The following HS3ST4 variants were observed in gnomAD, a reference collection of about 807,000 sequenced individuals.
HS3ST4 encodes heparan sulfate-glucosamine 3-sulfotransferase 4.
A neutral mutation model predicts 29.2 loss-of-function variants in HS3ST4; 17 were observed. That is an observed-to-expected ratio of 0.58 (90% confidence interval 0.40 to 0.87). HS3ST4 has a LOEUF of 0.87. Ranked by LOEUF, HS3ST4 falls within the 40% of genes least tolerant of loss-of-function variation. The pLI, the probability that HS3ST4 is intolerant of heterozygous loss-of-function variation, is 0.00. For synonymous variants in HS3ST4, 314 were observed against 285.7 expected (o/e 1.10, Z -1.00); for missense variants, 627 against 634.5 (o/e 0.99, Z 0.13).
chr16:25,700,301 A>G (rs1250541149), intron 1 of HS3ST4, among the ~76,000 whole-genome samples: 1 of 152,146 alleles, frequency 6.6e-6, no homozygotes, highest in Non-Finnish European at 1.5e-5. Flanking sequence ...CATTCTCTTG[A>G]GCCTCCAGTA....
chr16:26,090,389 C>G (rs1898842392), intron 1 of HS3ST4, among the ~76,000 whole-genome samples: 1 of 152,030 alleles, frequency 6.6e-6, no homozygotes, highest in Admixed American at 6.6e-5. Flanking sequence ...GCCCAGATTA[C>G]CCAAGGTACA....
In HS3ST4 at chr16:26,136,211, A is replaced by G; in HGVS notation, c.1334A>G (p.Gln445Arg). 6.2e-7 allele frequency: 1 copy of G among 1,613,346 alleles called. No individual in the cohort carries two copies. Among genetic ancestry groups the G allele is most frequent in the African/African-American group, 1.3e-5 (1 of 75,066 alleles). ...TTGATGTTTTACCAAATGACTGGTCAAGATTTTCAGTGGGAACAGGAAGAG... is the reference window on the plus strand; with the variant it reads ...TTGATGTTTTACCAAATGACTGGTCGAGATTTTCAGTGGGAACAGGAAGAG... ...FNLMFYQMTG[Q>R]DFQWEQEEGD... is the part of the protein sequence containing the mutation. Residue 445 changes from glutamine (Q) to arginine (R), a missense_variant, in exon 2 of 2, where the codon CAA (glutamine) becomes CGA (arginine). This residue lies in a region of HS3ST4 where 225 missense variants were observed against 293.7 expected (regional missense o/e 0.77). Coordinates refer to ENST00000331351, the MANE Select transcript of HS3ST4 (RefSeq NM_006040.3).
intron 1 of HS3ST4, among the ~76,000 whole-genome samples, chr16:26,080,228 T>G (rs1898709794): frequency 6.6e-6 from 1 of 152,004 alleles, no homozygotes; most frequent in Non-Finnish European, 1.5e-5. Flanking sequence ...AACCAACACT[T>G]TTAGGAGACA....
At chr16:26,084,681 T>C (rs938526982) in intron 1 of HS3ST4, among the ~76,000 whole-genome samples, 5 of 152,116 alleles carry the variant, frequency 3.3e-5, no homozygotes, top group Non-Finnish European at 7.3e-5. Context: ...TGATCATAGC[T>C]CACTGCAGCC....
At chr16:25,954,796 A>G (rs1362512585) in intron 1 of HS3ST4, among the ~76,000 whole-genome samples, 1 of 152,202 alleles carries the variant, frequency 6.6e-6, no homozygotes, top group African/African-American at 2.4e-5. Context: ...GTATAATGGA[A>G]GTATTCCAAA....
intron 1 of HS3ST4, among the ~76,000 whole-genome samples, chr16:26,134,147 A>T (rs968951227): frequency 6.6e-6 from 1 of 152,066 alleles, no homozygotes; most frequent in South Asian, 2.1e-4. Flanking sequence ...GCAAACTCGG[A>T]TGGAGGAATG....
At chr16:25,959,520 T>G (rs990485608) in intron 1 of HS3ST4, among the ~76,000 whole-genome samples, 4 of 152,136 alleles carry the variant, frequency 2.6e-5, no homozygotes, top group African/African-American at 9.7e-5. Context: ...AGAGTCAAGG[T>G]GCAGGTAACT....
chr16:26,038,199 G>T (rs2141757069), intron 1 of HS3ST4, among the ~76,000 whole-genome samples: 1 of 152,216 alleles, frequency 6.6e-6, no homozygotes, highest in Non-Finnish European at 1.5e-5. Context: ...TGCCTGGAAT[G>T]CTCTTCCCCG....
intron 1 of HS3ST4, among the ~76,000 whole-genome samples, chr16:26,038,440 C>G (rs577897653): frequency 3.3e-5 from 5 of 152,074 alleles, no homozygotes; most frequent in African/African-American, 1.2e-4. Context: ...TCTGTTTCCC[C>G]ACTATAGCCC....
intron 1 of HS3ST4, among the ~76,000 whole-genome samples, chr16:25,831,159 G>C (rs145269723): frequency 6.6e-6 from 1 of 152,208 alleles, no homozygotes; most frequent in African/African-American, 2.4e-5. Context: ...CATCTCTTCA[G>C]AGAAGTGTTC....
chr16:25,802,963 G>A (rs111550858), intron 1 of HS3ST4, among the ~76,000 whole-genome samples: 15,594 of 140,838 alleles, frequency 0.11, 907 homozygotes, highest in African/African-American at 0.15. Context: ...GTGTGTGTGT[G>A]TATATATTTC....
chr16:25,940,574 G>A (rs534897015), intron 1 of HS3ST4, among the ~76,000 whole-genome samples: 11 of 152,304 alleles, frequency 7.2e-5, no homozygotes, highest in African/African-American at 2.6e-4. Context: ...TCATGTTTGG[G>A]AGAGCTCTCA....
At chr16:25,713,564 C>T (rs867588812) in intron 1 of HS3ST4, among the ~76,000 whole-genome samples, 32 of 150,384 alleles carry the variant, frequency 2.1e-4, no homozygotes, top group South Asian at 2.1e-4. Context: ...AAACAAACAT[C>T]CTGTCTCCTT....
At chr16:25,832,069 T>C (rs1025006803) in intron 1 of HS3ST4, among the ~76,000 whole-genome samples, 1 of 152,138 alleles carries the variant, frequency 6.6e-6, no homozygotes, top group African/African-American at 2.4e-5. Flanking sequence ...ATGATACCAT[T>C]GCACTTCAGC....
In HS3ST4 at chr16:26,066,236, A is replaced by G. The variant is rs143389737; in HGVS notation, c.735-69376A>G. On this transcript the variant is annotated intron_variant, in intron 1 of 1. Transcript: ENST00000331351. ...GATGGTTAAGAGTTTTACAAACAGT[A>G]CAAGGGGTATGAGCTAATTATTAGA... Among the ~76,000 whole-genome samples the G allele has an allele frequency of 5.8e-3, 881 of 152,356 alleles. 7 individuals are homozygous for G. Among genetic ancestry groups the G allele is most frequent in the African/African-American group, 0.021 (857 of 41,588 alleles).
chr16:26,113,370 C>T (rs544627428), intron 1 of HS3ST4, among the ~76,000 whole-genome samples: 4 of 150,198 alleles, frequency 2.7e-5, no homozygotes, highest in South Asian at 2.1e-4. Context: ...CGCTTGAAAC[C>T]GGGGGGTAGA....
At chr16:25,702,803 C>A (rs551594110) in intron 1 of HS3ST4, among the ~76,000 whole-genome samples, 1 of 152,102 alleles carries the variant, frequency 6.6e-6, no homozygotes. Context: ...GCCTTACACC[C>A]CCAATTCAGG....
At chr16:25,698,174 G>A (rs374193683) in intron 1 of HS3ST4, among the ~76,000 whole-genome samples, 49 of 152,206 alleles carry the variant, frequency 3.2e-4, no homozygotes, top group African/African-American at 1.1e-3. Flanking sequence ...CAAGGAATCC[G>A]CCGTTCTCAG....
intron 1 of HS3ST4, among the ~76,000 whole-genome samples, chr16:25,917,111 A>G (rs1968300858): frequency 6.6e-6 from 1 of 152,212 alleles, no homozygotes; most frequent in South Asian, 2.1e-4. Context: ...TTCTCTATGT[A>G]GGGGTCAAAT....
Sources: gnomAD v4.1 joint callset for allele counts (sites outside exome capture counted in the v4.1 genomes callset) on GRCh38, gnomAD v4.1.1 for gene constraint, gnomAD v4.1.1 regional missense constraint, MANE v1.5 for transcripts, NCBI Gene and HGNC (gene_info 2026-07-23, HGNC 2026-07-21) for gene names.